CNTN5: variants seen among roughly 807,000 people sequenced by gnomAD.
CNTN5 encodes the protein contactin 5, also known as contactin-5.
CNTN5 carries 77 observed loss-of-function variants against 129.1 expected under a neutral mutation model. That is an observed-to-expected ratio of 0.60 (90% CI 0.50 to 0.72). CNTN5 has a LOEUF of 0.72. Among genes scored for constraint, CNTN5 ranks in the 30% least tolerant of loss-of-function variants. CNTN5 has a pLI of 0.00. For missense variants in CNTN5, 1,478 were observed against 1,328.8 expected, an observed-to-expected ratio of 1.11 and a Z score of -1.75; for synonymous variants, 509 against 465.6, an observed-to-expected ratio of 1.09 and a Z score of -1.20.
chr11:99,203,319 T>C (rs1040313815), intron 1 of CNTN5, among the ~76,000 whole-genome samples: 1 of 152,186 alleles, frequency 6.6e-6, no homozygotes, highest in African/African-American at 2.4e-5. Flanking sequence ...GAAGTTTATA[T>C]TGCTTTATGT....
intron 1 of CNTN5, among the ~76,000 whole-genome samples, chr11:99,080,067 A>T (rs1231992747): frequency 6.6e-6 from 1 of 152,224 alleles, no homozygotes; most frequent in African/African-American, 2.4e-5. Flanking sequence ...CAAAGTGAAT[A>T]ATTTTATTAT....
At chr11:99,983,920 A>C (rs192447729) in intron 8 of CNTN5, among the ~76,000 whole-genome samples, 1,641 of 152,240 alleles carry the variant, frequency 0.011, 38 homozygotes, top group African/African-American at 0.038. Context: ...GACCAGTAAG[A>C]TAATTTAAAT....
intron 1 of CNTN5, among the ~76,000 whole-genome samples, chr11:99,033,120 G>A (rs1365766034): frequency 2.0e-5 from 3 of 150,294 alleles, no homozygotes; most frequent in Non-Finnish European, 4.4e-5. Context: ...CTGTTCCATT[G>A]ATCTATATCT....
intron 6 of CNTN5, among the ~76,000 whole-genome samples, chr11:99,898,152 C>T (rs1406553284): frequency 1.3e-5 from 2 of 151,784 alleles, no homozygotes; most frequent in Admixed American, 1.3e-4. Context: ...TGTAATGCTG[C>T]ATCTCAAAGA....
chr11:100,312,610 G>A (rs1951492119), intron 21 of CNTN5, among the ~76,000 whole-genome samples: 1 of 151,962 alleles, frequency 6.6e-6, no homozygotes, highest in African/African-American at 2.4e-5. Flanking sequence ...CGAATTCAGA[G>A]CATGGTGACA....
At chr11:99,426,053 C>A (rs1418857993) in intron 2 of CNTN5, among the ~76,000 whole-genome samples, 1 of 152,116 alleles carries the variant, frequency 6.6e-6, no homozygotes, top group East Asian at 1.9e-4. Context: ...TACAATTTTG[C>A]AACACATATT....
intron 13 of CNTN5, among the ~76,000 whole-genome samples, chr11:100,183,415 A>G (rs1948198834): frequency 6.6e-6 from 1 of 152,184 alleles, no homozygotes; most frequent in Non-Finnish European, 1.5e-5. Context: ...AATACTACTC[A>G]GCAATAAAAG....
intron 2 of CNTN5, among the ~76,000 whole-genome samples, chr11:99,419,199 A>G (rs957901726): frequency 6.6e-6 from 1 of 152,150 alleles, no homozygotes; most frequent in Non-Finnish European, 1.5e-5. Flanking sequence ...CCTGAGCACA[A>G]CAGCACTGCA....
intron 21 of CNTN5, among the ~76,000 whole-genome samples, chr11:100,320,018 T>C (rs1233825960): frequency 6.6e-6 from 1 of 152,210 alleles, no homozygotes; most frequent in Non-Finnish European, 1.5e-5. Context: ...GCAATGAACA[T>C]GAGAGTGCAG....
intron 21 of CNTN5, chr11:100,309,131 C>T (rs1951416234): frequency 1.0e-6 from 1 of 984,810 alleles, no homozygotes; most frequent in South Asian, 4.7e-5. Flanking sequence ...CTTGCTTGGC[C>T]AGTCATGGAG....
chr11:99,218,802 A>G (rs1028128006), intron 1 of CNTN5, among the ~76,000 whole-genome samples: 2 of 152,122 alleles, frequency 1.3e-5, no homozygotes, highest in African/African-American at 4.8e-5. Flanking sequence ...TCTGGACAAT[A>G]CAATGTAAGG....
chr11:100,142,222 A>G (rs1357476617), intron 13 of CNTN5, among the ~76,000 whole-genome samples: 1 of 152,156 alleles, frequency 6.6e-6, no homozygotes, highest in Non-Finnish European at 1.5e-5. Flanking sequence ...CTGGGTCACC[A>G]GCTTGCAGAT....
rs191806495 is a variant in CNTN5, at chr11:100,244,960, A to G, written c.2006-10800A>G. ...TAACCAGTCTTAGCAAATATAAGAA[A>G]TTACCACTTTTAATCCTTTATCAAC... is the stretch of plus-strand genomic sequence containing the variant. On this transcript the variant is annotated intron_variant, in intron 16 of 24. Coordinates refer to ENST00000524871, the MANE Select transcript of CNTN5 (RefSeq NM_014361.4). Among the ~76,000 whole-genome samples the G allele has an allele frequency of 4.9e-4, 74 of 152,294 alleles. No homozygotes were observed. In the East Asian group the frequency reaches 6.2e-3, roughly 13 times the overall value.
intron 1 of CNTN5, among the ~76,000 whole-genome samples, chr11:99,114,587 A>G (rs906647067): frequency 6.6e-6 from 1 of 152,040 alleles, no homozygotes; most frequent in African/African-American, 2.4e-5. Flanking sequence ...TTATTCCTAA[A>G]ACATTTAATG....
chr11:99,477,408 A>G (rs1945415897), intron 2 of CNTN5, among the ~76,000 whole-genome samples: 1 of 151,850 alleles, frequency 6.6e-6, no homozygotes, highest in Admixed American at 6.6e-5. Context: ...GTCTCTTTCC[A>G]TTTATTTCAT....
intron 13 of CNTN5, among the ~76,000 whole-genome samples, chr11:100,103,209 C>T (rs574060265): frequency 2.4e-4 from 37 of 152,284 alleles, no homozygotes; most frequent in Middle Eastern, 3.4e-3. Flanking sequence ...GCAATTAGCA[C>T]GGGCACATTC....
chr11:99,401,173 G>A (rs1435640973), intron 2 of CNTN5, among the ~76,000 whole-genome samples: 4 of 152,068 alleles, frequency 2.6e-5, no homozygotes, highest in Non-Finnish European at 4.4e-5. Context: ...GACCTAGAGA[G>A]CTTCCCTAAT....
At chr11:100,106,787 T>C (rs1244891298) in intron 13 of CNTN5, among the ~76,000 whole-genome samples, 1 of 152,078 alleles carries the variant, frequency 6.6e-6, no homozygotes, top group African/African-American at 2.4e-5. Context: ...ATAATAATAA[T>C]AGCCTCCCTC....
At position 100,357,449 on chromosome 11, in the gene CNTN5, C is replaced by G. The variant is rs1292618854; in HGVS notation, c.*1229C>G. The G allele has an allele frequency of 6.6e-6, 1 of 151,522 alleles. No homozygotes were observed. The highest frequency in any genetic ancestry group is 1.9e-4 in the East Asian group (1 of 5,162). The allele number at this position is 151,522 out of a possible 1,614,324, so 9.4% of individuals were successfully genotyped here. The stretch of plus-strand genomic sequence containing the variant: ...GCTATTTCAAAGAGTCATCTTGAGC[C>G]TGAGAGATCCTAGAGAGTTGTTGGA... On this transcript the variant is annotated 3_prime_UTR_variant, in exon 25 of 25. Coordinates refer to ENST00000524871, the MANE Select transcript of CNTN5 (RefSeq NM_014361.4).
Sources: gnomAD v4.1 joint callset for allele counts (sites outside exome capture counted in the v4.1 genomes callset) on GRCh38, gnomAD v4.1.1 for gene constraint, MANE v1.5 for transcripts, NCBI Gene and HGNC (gene_info 2026-07-23, HGNC 2026-07-21) for gene names.